The following CTNND2 variants were observed in gnomAD, a reference collection of about 807,000 sequenced individuals.
CTNND2 encodes the protein catenin delta 2.
In CTNND2, 22 loss-of-function variants were observed where a neutral mutation model predicts 144.4. That is an observed-to-expected ratio of 0.15 (90% CI 0.11 to 0.22). The LOEUF (loss-of-function observed/expected upper bound fraction) is 0.22. Among genes scored for constraint, CTNND2 ranks in the 10% least tolerant of loss-of-function variants. The pLI is 1.00. For missense variants in CTNND2, 1,353 were observed against 1,618.8 expected, an observed-to-expected ratio of 0.84 and a Z score of 2.82; for synonymous variants, 751 against 695.6, an observed-to-expected ratio of 1.08 and a Z score of -1.25.
chr5:11,881,181 A>C (rs2127075240), intron 1 of CTNND2, among the ~76,000 whole-genome samples: 1 of 152,052 alleles, frequency 6.6e-6, no homozygotes, highest in African/African-American at 2.4e-5. Flanking sequence ...CCACCTAAGA[A>C]TTATACATAT....
intron 6 of CTNND2, among the ~76,000 whole-genome samples, chr5:11,388,175 T>C (rs1004708847): frequency 6.6e-6 from 1 of 152,232 alleles, no homozygotes; most frequent in Admixed American, 6.5e-5. Context: ...CTGTTTAACA[T>C]AGTAAGTGGT....
At chr5:11,499,300 A>G (rs1049519354) in intron 3 of CTNND2, among the ~76,000 whole-genome samples, 5 of 152,186 alleles carry the variant, frequency 3.3e-5, no homozygotes, top group African/African-American at 4.8e-5. Flanking sequence ...GATCTTGTCC[A>G]CATTCTAGAT....
intron 2 of CTNND2, among the ~76,000 whole-genome samples, chr5:11,583,496 T>C (rs1778597574): frequency 6.6e-6 from 1 of 152,198 alleles, no homozygotes; most frequent in Non-Finnish European, 1.5e-5. Context: ...AAATCCTGTG[T>C]TCATTTAATT....
At chr5:11,097,228 A>G (rs1751440470) in intron 15 of CTNND2, among the ~76,000 whole-genome samples, 1 of 152,202 alleles carries the variant, frequency 6.6e-6, no homozygotes, top group African/African-American at 2.4e-5. Flanking sequence ...TTAGAGAGAC[A>G]TAAGATGTAA....
intron 1 of CTNND2, among the ~76,000 whole-genome samples, chr5:11,820,558 G>T (rs1483989440): frequency 1.3e-5 from 2 of 152,154 alleles, no homozygotes; most frequent in African/African-American, 4.8e-5. Flanking sequence ...ACTAAGACGT[G>T]CTCATGAAGA....
At chr5:11,142,355 G>A (rs1358838707) in intron 12 of CTNND2, among the ~76,000 whole-genome samples, 3 of 152,064 alleles carry the variant, frequency 2.0e-5, no homozygotes, top group South Asian at 2.1e-4. Context: ...AATTAGAAAC[G>A]GATCAGATAA....
chr5:11,575,674 T>C (rs1160774750), intron 2 of CTNND2, among the ~76,000 whole-genome samples: 1 of 152,196 alleles, frequency 6.6e-6, no homozygotes, highest in Non-Finnish European at 1.5e-5. Context: ...CCAAACATCA[T>C]GTACTCGACT....
chr5:11,559,782 C>A (rs1392773846), intron 3 of CTNND2, among the ~76,000 whole-genome samples: 1 of 152,220 alleles, frequency 6.6e-6, no homozygotes. Context: ...CCTTGGGCTA[C>A]AGTCCACATC....
At chr5:11,665,578 T>C (rs1186285191) in intron 2 of CTNND2, among the ~76,000 whole-genome samples, 2 of 152,222 alleles carry the variant, frequency 1.3e-5, no homozygotes, top group Non-Finnish European at 2.9e-5. Flanking sequence ...TTCAATGCTA[T>C]ACGGAATATC....
intron 18 of CTNND2, among the ~76,000 whole-genome samples, chr5:10,999,456 G>A (rs1739693140): frequency 6.6e-6 from 1 of 152,140 alleles, no homozygotes; most frequent in Non-Finnish European, 1.5e-5. Flanking sequence ...ACAGCTCATA[G>A]GGGTTAGATA....
In CTNND2 at chr5:11,163,134, G is replaced by T. The variant is rs188971305; in HGVS notation, c.1976-3375C>A. The stretch of plus-strand genomic sequence containing the variant: ...CCTAATTCTTCTCTCCATGAGTGGG[G>T]ATTTGATTTAGTGACTCATTTGTGA... On this transcript the variant is annotated intron_variant, in intron 11 of 21. Transcript: ENST00000304623. Among the ~76,000 whole-genome samples the T allele has an allele frequency of 5.3e-5, 8 of 152,298 alleles. No individual in the cohort carries two copies. In the East Asian group the frequency reaches 1.5e-3, roughly 29 times the overall value.
At chr5:10,983,448 A>G (rs1387248799) in intron 20 of CTNND2, among the ~76,000 whole-genome samples, 1 of 152,220 alleles carries the variant, frequency 6.6e-6, no homozygotes, top group Non-Finnish European at 1.5e-5. Context: ...AGGTCAGTAT[A>G]ACCTCTCAAG....
intron 3 of CTNND2, among the ~76,000 whole-genome samples, chr5:11,489,944 G>T (rs1436684928): frequency 1.3e-5 from 2 of 152,046 alleles, no homozygotes; most frequent in African/African-American, 2.4e-5. Context: ...TCTAGTAATG[G>T]CTCAGATTCA....
intron 1 of CTNND2, among the ~76,000 whole-genome samples, chr5:11,834,144 AGC>A (rs1215428985): frequency 1.3e-5 from 2 of 152,192 alleles, no homozygotes; most frequent in Non-Finnish European, 2.9e-5. Context: ...ATAAAATAAA[AGC>A]ACACAGCCAA....
intron 12 of CTNND2, among the ~76,000 whole-genome samples, chr5:11,134,935 G>A (rs2149724301): frequency 6.6e-6 from 1 of 152,314 alleles, no homozygotes; most frequent in East Asian, 1.9e-4. Context: ...ACACTTTGAG[G>A]AGCCACAGAG....
chr5:11,156,101 T>C (rs1758195054), intron 12 of CTNND2, among the ~76,000 whole-genome samples: 1 of 152,124 alleles, frequency 6.6e-6, no homozygotes, highest in African/African-American at 2.4e-5. Context: ...GAGGAAAGCT[T>C]GAGAAACTGG....
rs549694307 is a variant in CTNND2 at position 11,386,987 on chromosome 5, C to A, written c.613-1758G>T. Among the ~76,000 whole-genome samples, 7 of 152,200 alleles carry A rather than the reference C, an allele frequency of 4.6e-5. No homozygotes were observed. The East Asian group carries it at 1.4e-3, about 29-fold the overall frequency. ...CTTCTCTCCCAGTGGCAGCTCTGAG[C>A]ATGAAACATGTATTAAATAGATTGG... On this transcript the variant is annotated intron_variant, in intron 6 of 21. Coordinates refer to ENST00000304623, the MANE Select transcript of CTNND2 (RefSeq NM_001332.4).
intron 16 of CTNND2, among the ~76,000 whole-genome samples, chr5:11,071,183 C>T (rs542530163): frequency 6.6e-6 from 1 of 152,246 alleles, no homozygotes; most frequent in Admixed American, 6.5e-5. Context: ...GGAAGAGAGA[C>T]ATATCTACTG....
At chr5:11,466,910 G>A (rs943358078) in intron 3 of CTNND2, among the ~76,000 whole-genome samples, 5 of 152,218 alleles carry the variant, frequency 3.3e-5, no homozygotes, top group African/African-American at 1.2e-4. Flanking sequence ...CATCACACAG[G>A]TGCAATTCAC....
Sources: gnomAD v4.1 joint callset for allele counts (sites outside exome capture counted in the v4.1 genomes callset) on GRCh38, gnomAD v4.1.1 for gene constraint, MANE v1.5 for transcripts, NCBI Gene and HGNC (gene_info 2026-07-23, HGNC 2026-07-21) for gene names.